The following ERC2 variants were observed in gnomAD, a reference collection of about 807,000 sequenced individuals.
ERC2 encodes the protein ELKS/RAB6-interacting/CAST family member 2.
In ERC2, 42 loss-of-function variants were observed where a neutral mutation model predicts 114.8. The ratio of observed to expected loss-of-function variants is 0.37; its 90% confidence interval spans 0.29 to 0.47. ERC2 has a LOEUF of 0.47. ERC2 is among the 20% of genes least tolerant of loss of function. ERC2 has a pLI of 0.99. For missense variants in ERC2, 939 were observed against 1,150.7 expected (o/e 0.82, Z 2.66); for synonymous variants, 454 against 425.5 (o/e 1.07, Z -0.82).
chr3:55,677,559 T>A (rs1430981543), intron 17 of ERC2, among the ~76,000 whole-genome samples: 2 of 152,172 alleles, frequency 1.3e-5, no homozygotes, highest in Non-Finnish European at 2.9e-5. Flanking sequence ...CTTGGCATCT[T>A]ACTCAGCTCA....
intron 2 of ERC2, among the ~76,000 whole-genome samples, chr3:56,318,509 T>G (rs1347000458): frequency 6.6e-6 from 1 of 151,188 alleles, no homozygotes; most frequent in Non-Finnish European, 1.5e-5. Flanking sequence ...TCTGAAAAAA[T>G]GGAGAAAACA....
chr3:56,147,286 C>T (rs781646577), intron 5 of ERC2, among the ~76,000 whole-genome samples: 26 of 152,262 alleles, frequency 1.7e-4, no homozygotes, highest in African/African-American at 4.1e-4. Context: ...GGAAGGACTG[C>T]GCAGGGAAAC....
At chr3:56,253,008 G>C (rs1178587447) in intron 3 of ERC2, among the ~76,000 whole-genome samples, 1 of 152,150 alleles carries the variant, frequency 6.6e-6, no homozygotes, top group Admixed American at 6.6e-5. Flanking sequence ...AGAGTACTTT[G>C]TTCAGGTGGT....
At chr3:55,799,734 CT>C (rs2070887601) in intron 14 of ERC2, among the ~76,000 whole-genome samples, 1 of 152,032 alleles carries the variant, frequency 6.6e-6, no homozygotes, top group African/African-American at 2.4e-5. Context: ...AGTGGCCCCT[CT>C]CACGAAAACA....
At chr3:56,076,568 G>A (rs1156696207) in intron 7 of ERC2, among the ~76,000 whole-genome samples, 8 of 152,096 alleles carry the variant, frequency 5.3e-5, no homozygotes, top group Non-Finnish European at 8.8e-5. Flanking sequence ...ACAGCCCCAC[G>A]GGAACATTTC....
At chr3:55,889,246 G>A (rs1048057727) in intron 13 of ERC2, among the ~76,000 whole-genome samples, 10 of 152,250 alleles carry the variant, frequency 6.6e-5, no homozygotes, top group East Asian at 1.9e-4. Flanking sequence ...TATCAAAGCC[G>A]TGTTTGGTAA....
At chr3:56,446,294 C>T (rs1370393237) in intron 1 of ERC2, among the ~76,000 whole-genome samples, 1 of 152,160 alleles carries the variant, frequency 6.6e-6, no homozygotes, top group Non-Finnish European at 1.5e-5. Flanking sequence ...GAAGTCCAGG[C>T]TGGTGATTGG....
At chr3:55,837,854 TA>T (rs140193968) in intron 14 of ERC2, among the ~76,000 whole-genome samples, 4,747 of 151,900 alleles carry the variant, frequency 0.031, 90 homozygotes, top group Middle Eastern at 0.075. Context: ...ATACACAGAT[TA>T]AATGTAATAA....
intron 1 of ERC2, among the ~76,000 whole-genome samples, chr3:56,459,527 CCACACACA>C (rs58270143): frequency 2.9e-4 from 43 of 150,646 alleles, no homozygotes; most frequent in East Asian, 7.8e-4. Flanking sequence ...TGCTATCAGA[CCACACACA>C]CACACACACA....
intron 3 of ERC2, among the ~76,000 whole-genome samples, chr3:56,243,183 A>C (rs552945035): frequency 6.6e-6 from 1 of 152,282 alleles, no homozygotes; most frequent in African/African-American, 2.4e-5. Flanking sequence ...TTTACCACCT[A>C]GCAGTAATTT....
At chr3:55,653,518 G>A (rs2060729001) in intron 17 of ERC2, among the ~76,000 whole-genome samples, 1 of 151,988 alleles carries the variant, frequency 6.6e-6, no homozygotes, top group South Asian at 2.1e-4. Flanking sequence ...GTGCAAAAGA[G>A]GGAGTTGTGG....
chr3:55,725,403 C>CT (rs1475795713), intron 15 of ERC2, among the ~76,000 whole-genome samples: 1 of 152,108 alleles, frequency 6.6e-6, no homozygotes, highest in East Asian at 1.9e-4. Flanking sequence ...AAAAGGTGGG[C>CT]TACAGATTGC....
intron 13 of ERC2, among the ~76,000 whole-genome samples, chr3:55,903,031 A>C (rs1483133438): frequency 6.6e-6 from 1 of 152,214 alleles, no homozygotes; most frequent in Non-Finnish European, 1.5e-5. Flanking sequence ...GGCAGAAACA[A>C]AACATACTCA....
intron 2 of ERC2, among the ~76,000 whole-genome samples, chr3:56,395,935 G>C (rs779336507): frequency 2.4e-4 from 36 of 152,164 alleles, no homozygotes; most frequent in Non-Finnish European, 4.1e-4. Flanking sequence ...TGAACAGACG[G>C]TTCACCAGAG....
At chr3:56,281,389 A>T (rs2054333091) in intron 3 of ERC2, among the ~76,000 whole-genome samples, 1 of 100,700 alleles carries the variant, frequency 9.9e-6, no homozygotes, top group Non-Finnish European at 1.9e-5. Flanking sequence ...GTGAGCCGAG[A>T]TCCCGCCACT....
intron 3 of ERC2, among the ~76,000 whole-genome samples, chr3:56,175,235 A>C (rs1164217241): frequency 2.0e-5 from 3 of 152,214 alleles, no homozygotes; most frequent in African/African-American, 7.2e-5. Flanking sequence ...TTTCTTCTCC[A>C]ACTCATCACT....
Position 55,828,458 on chromosome 3 carries a change from G to GGCAGCAGGGGCAGCAGGC in ERC2, c.2564+59930_2564+59931insGCCTGCTGCCCCTGCTGC, listed in dbSNP as rs1308590040. Among the ~76,000 whole-genome samples the GGCAGCAGGGGCAGCAGGC allele has an allele frequency of 2.7e-3, 315 of 118,304 alleles. 1 individual carries two copies. Among genetic ancestry groups the GGCAGCAGGGGCAGCAGGC allele is most frequent in the African/African-American group, 0.013 (297 of 23,736 alleles). 77.6% of individuals were successfully genotyped at this position (118,304 alleles called of 152,430 possible). On this transcript the variant is annotated intron_variant, in intron 14 of 17. Transcript: ENST00000288221. ...CTTTGCCTAAAGGCGGAGTGTAGCT[G>GGCAGCAGGGGCAGCAGGC]GCAGCAGGGGCAGCAGGGGCAGCAG...
chr3:56,219,885 G>A (rs778465581), intron 3 of ERC2, among the ~76,000 whole-genome samples: 13 of 152,020 alleles, frequency 8.6e-5, no homozygotes, highest in Non-Finnish European at 1.2e-4. Flanking sequence ...TTTTCATCTC[G>A]CTGGGCCTCC....
intron 2 of ERC2, among the ~76,000 whole-genome samples, chr3:56,376,608 C>T (rs1015411077): frequency 2.0e-5 from 3 of 151,856 alleles, no homozygotes; most frequent in Admixed American, 1.3e-4. Flanking sequence ...ACTAAAAATA[C>T]AAAAATTAGC....
Sources: gnomAD v4.1 joint callset for allele counts (sites outside exome capture counted in the v4.1 genomes callset) on GRCh38, gnomAD v4.1.1 for gene constraint, MANE v1.5 for transcripts, NCBI Gene and HGNC (gene_info 2026-07-23, HGNC 2026-07-21) for gene names.